COP1: variants seen among roughly 807,000 people sequenced by gnomAD.
COP1 encodes the protein COP1 E3 ubiquitin ligase.
In COP1, 24 loss-of-function variants were observed where a neutral mutation model predicts 101.3. The observed-to-expected ratio is 0.24, with a 90% CI of 0.17 to 0.33. The LOEUF (loss-of-function observed/expected upper bound fraction) is 0.33, where lower values mean the gene tolerates loss of function less well. Among genes scored for constraint, COP1 ranks in the 10% least tolerant of loss-of-function variants. The probability of loss-of-function intolerance (pLI) is 1.00; values close to 1 mark genes in which losing one functional copy is unlikely to be tolerated. For missense variants in COP1, 663 were observed against 906.2 expected (o/e 0.73, Z 3.45); for synonymous variants, 347 against 341.9 (o/e 1.01, Z -0.17).
In COP1 at chr1:176,162,983, G is replaced by C; in HGVS notation, c.648C>G (p.Gly216=). The C allele has an allele frequency of 1.3e-6, 2 of 1,594,406 alleles. No individual in the cohort carries two copies. Among genetic ancestry groups the C allele is most frequent in the Non-Finnish European group, 1.7e-6 (2 of 1,172,576 alleles). ...KLDHSVSSTN[G]HRWQIFQDWL... ...AATCTTGAAATATCTGCCACCTGTG[G>C]CCATTCTAAAAATGAAGAAAGAAGA... is the stretch of plus-strand genomic sequence containing the variant. The change falls in exon 5 of 20, where the codon GGC becomes GGG. Residue 216 remains glycine (G), a synonymous_variant. Transcript: ENST00000367669.
intron 15 of COP1, among the ~76,000 whole-genome samples, chr1:176,023,609 T>C (rs1469983624): frequency 6.6e-6 from 1 of 150,836 alleles, no homozygotes; most frequent in African/African-American, 2.4e-5. Context: ...TCCCAGCTAC[T>C]TGGGAGGCTG....
intron 7 of COP1, 87 bp downstream of exon 7, chr1:176,136,400 TA>T: frequency 1.2e-6 from 1 of 839,556 alleles, no homozygotes; most frequent in Non-Finnish European, 1.9e-6. Context: ...ACCAATCCCA[TA>T]AACTTAACAC....
At chr1:176,140,139 A>T (rs1690443710) in intron 6 of COP1, among the ~76,000 whole-genome samples, 1 of 152,208 alleles carries the variant, frequency 6.6e-6, no homozygotes, top group Admixed American at 6.6e-5. Flanking sequence ...GTCTTCTCTG[A>T]AAATAATGTT....
chr1:175,964,864 A>C (rs1265423447), intron 18 of COP1, among the ~76,000 whole-genome samples: 3 of 152,218 alleles, frequency 2.0e-5, no homozygotes, highest in Non-Finnish European at 4.4e-5. Flanking sequence ...AATCTATACT[A>C]TATCTGTTAA....
intron 18 of COP1, among the ~76,000 whole-genome samples, chr1:175,951,848 C>T (rs1649962095): frequency 6.7e-6 from 1 of 148,408 alleles, no homozygotes; most frequent in Admixed American, 6.9e-5. Context: ...TAATTGGAGT[C>T]CCAAAGAAGG....
intron 11 of COP1, among the ~76,000 whole-genome samples, chr1:176,076,678 A>C (rs1678082072): frequency 6.6e-6 from 1 of 152,140 alleles, no homozygotes; most frequent in African/African-American, 2.4e-5. Context: ...AATAAGACCA[A>C]GAGTTGGTTC....
At position 176,207,270 on chromosome 1, in the gene COP1, T is replaced by TGC. The variant is rs3833529; in HGVS notation, c.-294_-293dup. ...AACCCCGGCGCGCCGTGGCCGGCCG[T>TGC]GCGCGCGCGCGCGAGCGGCGGAAGA... On this transcript the variant is annotated 5_prime_UTR_variant, in exon 1 of 20. Coordinates refer to ENST00000367669, the MANE Select transcript of COP1 (RefSeq NM_022457.7). 0.11 allele frequency: 41,172 copies of TGC among 386,268 alleles called. 1,892 individuals are homozygous for TGC. Among genetic ancestry groups the TGC allele is most frequent in the Middle Eastern group, 0.17 (260 of 1,510 alleles). 23.9% of individuals were successfully genotyped at this position (386,268 alleles called of 1,614,324 possible). A position where few individuals can be genotyped will look rare whatever the true frequency, so the allele number is the denominator to read the frequency against.
chr1:176,091,396 T>C (rs1015643338), intron 9 of COP1, among the ~76,000 whole-genome samples: 3 of 148,610 alleles, frequency 2.0e-5, no homozygotes, highest in African/African-American at 7.4e-5. Flanking sequence ...ACTTGAATAA[T>C]ACAATGACAC....
chr1:175,988,427 A>G lies in COP1; in HGVS notation c.1848-15T>C. 1 of 1,579,090 alleles carries G rather than the reference A, an allele frequency of 6.3e-7. No homozygotes were observed. Among genetic ancestry groups the G allele is most frequent in the Non-Finnish European group, 8.6e-7 (1 of 1,160,100 alleles). ...TGTCTGTTGAGCTGAGGAAAAGTAC[A>G]AAGAGTAAGAACTTACTTAAAATTT... On this transcript the variant is annotated splice_polypyrimidine_tract_variant and intron_variant, in intron 16 of 19. Coordinates refer to ENST00000367669, the MANE Select transcript of COP1 (RefSeq NM_022457.7).
intron 11 of COP1, among the ~76,000 whole-genome samples, chr1:176,080,668 G>A (rs1397219543): frequency 6.6e-6 from 1 of 152,174 alleles, no homozygotes; most frequent in Admixed American, 6.5e-5. Flanking sequence ...GCCCTGATGA[G>A]ACGGACAAAT....
chr1:176,044,264 CA>C (rs886886400), intron 12 of COP1, among the ~76,000 whole-genome samples: 1 of 152,156 alleles, frequency 6.6e-6, no homozygotes, highest in African/African-American at 2.4e-5. Flanking sequence ...ATTTACATCC[CA>C]AAAGTCTTGA....
At chr1:176,114,630 C>G (rs918692223) in intron 9 of COP1, among the ~76,000 whole-genome samples, 37 of 151,886 alleles carry the variant, frequency 2.4e-4, no homozygotes, top group African/African-American at 8.9e-4. Flanking sequence ...CTCTGTCACC[C>G]AGGCTGGAGT....
rs1698522611 is a variant in COP1, at chr1:176,186,936, T to C, written c.408-2244A>G. Among the ~76,000 whole-genome samples the C allele has an allele frequency of 2.6e-5, 4 of 152,246 alleles. No homozygotes were observed. In the South Asian group the frequency reaches 8.3e-4, roughly 32 times the overall value. ...TGGAAGAAATGACTACAGGTTTACC[T>C]CGCACACAGCTCCATCATCCGTTAG... is the stretch of plus-strand genomic sequence containing the variant. On this transcript the variant is annotated intron_variant, in intron 1 of 19. Coordinates refer to ENST00000367669, the MANE Select transcript of COP1 (RefSeq NM_022457.7).
At position 176,124,849 on chromosome 1, in the gene COP1, C is replaced by T. The variant is rs577578017; in HGVS notation, c.969-8168G>A. Among the ~76,000 whole-genome samples the T allele has an allele frequency of 2.6e-5, 4 of 152,308 alleles. No individual in the cohort carries two copies. The East Asian group carries it at 7.7e-4, about 29-fold the overall frequency. ...TTTCTTGAGGAACCTCCAAACCATT[C>T]TCCATAGTGGTTGTACTAAATTACA... On this transcript the variant is annotated intron_variant, in intron 8 of 19. Transcript: ENST00000367669.
At chr1:176,026,574 TA>T (rs556343704) in intron 15 of COP1, among the ~76,000 whole-genome samples, 14 of 151,718 alleles carry the variant, frequency 9.2e-5, no homozygotes, top group African/African-American at 3.4e-4. Flanking sequence ...TTCTATATGC[TA>T]AAAAAAAGAG....
rs535334334 is a variant in COP1 at position 176,098,470 on chromosome 1, AAAAC to A, written c.1027-12584_1027-12581del. 1.9e-4 allele frequency among the ~76,000 whole-genome samples: 29 copies of A among 152,346 alleles called. No homozygotes were observed. The South Asian group carries it at 4.6e-3, about 24-fold the overall frequency. ...TTAACAGAGCGAGACTCCATCTCAA[AAAAC>A]AAACAAACAAAAAAAGCTAAAAGTT... On this transcript the variant is annotated intron_variant, in intron 9 of 19. Coordinates refer to ENST00000367669, the MANE Select transcript of COP1 (RefSeq NM_022457.7).
intron 9 of COP1, among the ~76,000 whole-genome samples, chr1:176,096,401 C>A (rs1009236198): frequency 6.6e-6 from 1 of 152,218 alleles, no homozygotes; most frequent in African/African-American, 2.4e-5. Flanking sequence ...CCCCTTACCT[C>A]CTGGTTTGGG....
intron 11 of COP1, among the ~76,000 whole-genome samples, chr1:176,075,908 C>T (rs1038303808): frequency 1.4e-5 from 2 of 145,894 alleles, no homozygotes; most frequent in Admixed American, 1.5e-4. Context: ...GAGGCTGAGG[C>T]AGGAAAATCG....
chr1:176,008,197 T>G (rs535142315), intron 15 of COP1, among the ~76,000 whole-genome samples: 112 of 152,340 alleles, frequency 7.4e-4, no homozygotes, highest in Non-Finnish European at 8.8e-5. Context: ...TCGCCCTGCA[T>G]CAGCTCGCGC....
Sources: gnomAD v4.1 joint callset for allele counts (sites outside exome capture counted in the v4.1 genomes callset) on GRCh38, gnomAD v4.1.1 for gene constraint, MANE v1.5 for transcripts, NCBI Gene and HGNC (gene_info 2026-07-23, HGNC 2026-07-21) for gene names.